The following CNTNAP5 variants were observed in gnomAD, a reference collection of about 807,000 sequenced individuals.
The protein encoded by CNTNAP5 is contactin associated protein family member 5, also known as contactin-associated protein-like 5.
A neutral mutation model predicts 150.2 loss-of-function variants in CNTNAP5; 72 were observed. The ratio of observed to expected loss-of-function variants is 0.48; its 90% CI spans 0.40 to 0.58. The LOEUF is 0.58. Among genes scored for constraint, CNTNAP5 ranks in the 20% least tolerant of loss-of-function variants. CNTNAP5 has a pLI of 0.00. For missense variants in CNTNAP5, 1,636 were observed against 1,626.2 expected (o/e 1.01, Z -0.10); for synonymous variants, 672 against 619.8 (o/e 1.08, Z -1.25).
At chr2:124,061,937 C>T (rs921775994) in intron 1 of CNTNAP5, among the ~76,000 whole-genome samples, 2 of 152,146 alleles carry the variant, frequency 1.3e-5, no homozygotes, top group Non-Finnish European at 2.9e-5. Flanking sequence ...GAGCAGGAAT[C>T]TGGCTGATTT....
chr2:124,651,564 C>T (rs900269152), intron 13 of CNTNAP5, among the ~76,000 whole-genome samples: 1 of 152,168 alleles, frequency 6.6e-6, no homozygotes, highest in Non-Finnish European at 1.5e-5. Flanking sequence ...TAATGCCACA[C>T]AGAAAGGGGC....
At chr2:124,045,471 T>C (rs1366209546) in intron 1 of CNTNAP5, among the ~76,000 whole-genome samples, 1 of 151,770 alleles carries the variant, frequency 6.6e-6, no homozygotes, top group African/African-American at 2.4e-5. Context: ...CAAATTTTTA[T>C]ATTTTTAGTA....
intron 9 of CNTNAP5, among the ~76,000 whole-genome samples, chr2:124,524,769 G>C (rs777471772): frequency 2.8e-4 from 42 of 152,208 alleles, no homozygotes; most frequent in Middle Eastern, 3.2e-3. Context: ...CATGGGAAAG[G>C]AGAAACTCAG....
At chr2:124,317,152 C>A (rs569589414) in intron 3 of CNTNAP5, among the ~76,000 whole-genome samples, 2 of 152,102 alleles carry the variant, frequency 1.3e-5, no homozygotes, top group South Asian at 4.2e-4. Context: ...TCAACTAAGA[C>A]CATAAAAACC....
chr2:124,249,675 C>G (rs963207895), intron 3 of CNTNAP5, among the ~76,000 whole-genome samples: 1 of 152,168 alleles, frequency 6.6e-6, no homozygotes, highest in Non-Finnish European at 1.5e-5. Flanking sequence ...TAAAACCAAT[C>G]TGCACCTGAC....
chr2:124,331,334 CAT>C (rs1210620555), intron 3 of CNTNAP5, among the ~76,000 whole-genome samples: 2 of 152,052 alleles, frequency 1.3e-5, no homozygotes, highest in African/African-American at 4.8e-5. Context: ...TGACTGATAA[CAT>C]ATACCATGAC....
At chr2:124,831,320 A>T (rs1682712393) in intron 19 of CNTNAP5, among the ~76,000 whole-genome samples, 1 of 151,856 alleles carries the variant, frequency 6.6e-6, no homozygotes, top group Non-Finnish European at 1.5e-5. Flanking sequence ...CTCATACAAG[A>T]TTAATATCTT....
intron 1 of CNTNAP5, among the ~76,000 whole-genome samples, chr2:124,154,106 A>C (rs1166126190): frequency 1.3e-5 from 2 of 152,074 alleles, no homozygotes; most frequent in Admixed American, 6.5e-5. Flanking sequence ...TTAACCTCCA[A>C]TGTCCTCTTC....
chr2:124,857,202 T>C (rs948373294), intron 19 of CNTNAP5, among the ~76,000 whole-genome samples: 1 of 151,930 alleles, frequency 6.6e-6, no homozygotes, highest in South Asian at 2.1e-4. Context: ...AGCTCTACAT[T>C]TTTTTTTCTT....
intron 2 of CNTNAP5, among the ~76,000 whole-genome samples, chr2:124,223,791 T>A: frequency 6.6e-6 from 1 of 151,696 alleles, no homozygotes; most frequent in Non-Finnish European, 1.5e-5. Context: ...AAGGCTAGCA[T>A]AAATGTACAG....
chr2:124,400,898 G>A (rs1377414220), intron 3 of CNTNAP5, among the ~76,000 whole-genome samples: 1 of 151,524 alleles, frequency 6.6e-6, no homozygotes, highest in Non-Finnish European at 1.5e-5. Flanking sequence ...TTGAGACCGA[G>A]TCTCGCTCTG....
intron 1 of CNTNAP5, among the ~76,000 whole-genome samples, chr2:124,091,796 C>A (rs541339477): frequency 1.3e-5 from 2 of 152,240 alleles, no homozygotes; most frequent in Admixed American, 1.3e-4. Flanking sequence ...AAGCTCTGTG[C>A]CCTGAGATTC....
intron 22 of CNTNAP5, among the ~76,000 whole-genome samples, chr2:124,908,181 A>G (rs1355890509): frequency 5.9e-5 from 9 of 151,690 alleles, no homozygotes; most frequent in Non-Finnish European, 1.0e-4. Flanking sequence ...GACCAGCCTG[A>G]CCAACATGGT....
chr2:124,263,123 C>T (rs1197137099), intron 3 of CNTNAP5, among the ~76,000 whole-genome samples: 1 of 151,940 alleles, frequency 6.6e-6, no homozygotes, highest in Non-Finnish European at 1.5e-5. Flanking sequence ...TGTGTGTGTG[C>T]CTTTATAACA....
chr2:124,647,070 C>T (rs962163646), intron 12 of CNTNAP5, among the ~76,000 whole-genome samples: 2 of 152,198 alleles, frequency 1.3e-5, no homozygotes, highest in Non-Finnish European at 1.5e-5. Context: ...TGTTCTAATG[C>T]CCAAATATCT....
intron 12 of CNTNAP5, among the ~76,000 whole-genome samples, chr2:124,639,498 T>C (rs1678045326): frequency 6.6e-6 from 1 of 152,154 alleles, no homozygotes; most frequent in African/African-American, 2.4e-5. Flanking sequence ...CAAGGAGATA[T>C]AAATGCTGCC....
intron 19 of CNTNAP5, among the ~76,000 whole-genome samples, chr2:124,856,077 TGTG>T (rs780040295): frequency 8.8e-5 from 7 of 79,438 alleles, no homozygotes; most frequent in Non-Finnish European, 1.5e-4. Context: ...TAGTCCATGG[TGTG>T]TGTGTGTGTG....
intron 18 of CNTNAP5, among the ~76,000 whole-genome samples, chr2:124,791,214 T>C (rs1162982791): frequency 1.3e-5 from 2 of 152,214 alleles, no homozygotes; most frequent in Non-Finnish European, 2.9e-5. Flanking sequence ...ACTGTTTTAT[T>C]TGAAGGATAC....
At position 124,157,703 on chromosome 2, in the gene CNTNAP5, G is replaced by A. The variant is rs547153951; in HGVS notation, c.83-64002G>A. On this transcript the variant is annotated intron_variant, in intron 1 of 23. Coordinates refer to ENST00000682447, the MANE Select transcript of CNTNAP5 (RefSeq NM_001367498.1). ...TTCATAATCTAAAGGGCATCTATAG[G>A]AGGTGCAATTAGTGACCATTCAAAA... is the stretch of plus-strand genomic sequence containing the variant. 1.1e-4 allele frequency among the ~76,000 whole-genome samples: 16 copies of A among 152,202 alleles called. No individual in the cohort carries two copies. In the South Asian group the frequency reaches 2.7e-3, roughly 26 times the overall value.
Sources: allele counts gnomAD v4.1 joint callset (sites outside exome capture counted in the v4.1 genomes callset), GRCh38; gene constraint gnomAD v4.1.1; transcripts MANE v1.5; gene names NCBI Gene and HGNC (gene_info 2026-07-23, HGNC 2026-07-21).